Variants in SIGLEC5 observed in about 807,000 individuals in gnomAD.
SIGLEC5 encodes sialic acid binding Ig like lectin 5.
Under a neutral mutation model 45.9 loss-of-function variants are expected in SIGLEC5, and 34 were observed. The ratio of observed to expected loss-of-function variants is 0.74; its 90% CI spans 0.56 to 0.99. The LOEUF (loss-of-function observed/expected upper bound fraction) is 0.99, where lower values mean the gene tolerates loss of function less well. Among genes scored for constraint, SIGLEC5 ranks in the 50% least tolerant of loss-of-function variants. The pLI, the probability that SIGLEC5 is intolerant of heterozygous loss-of-function variation, is 0.00. For synonymous variants in SIGLEC5, 203 were observed against 258.6 expected, an observed-to-expected ratio of 0.79 and a Z score of 2.06; for missense variants, 508 against 629.6, an observed-to-expected ratio of 0.81 and a Z score of 2.07.
chr19:51,627,742 G>A lies in SIGLEC5; in HGVS notation c.1002C>T (p.Leu334=). The change falls in exon 6 of 9, where the codon CTC becomes CTT. Residue 334 remains leucine, a synonymous_variant. Coordinates refer to ENST00000683636, the MANE Select transcript of SIGLEC5 (RefSeq NM_003830.4). ...QIFLNLSVYS[L]PQLLGPSCSW... ...AGCAGGAGGGGCCCAGCAACTGTGG[G>A]AGGGCTGTGGGGAGGGAGGACAGAA... 1 of 1,582,454 alleles carries A rather than the reference G, an allele frequency of 6.3e-7. No individual in the cohort carries two copies. The highest frequency in any genetic ancestry group is 8.6e-7 in the Non-Finnish European group (1 of 1,162,022).
chr19:51,612,146 G>T lies in SIGLEC5; in HGVS notation c.*85C>A. On this transcript the variant is annotated 3_prime_UTR_variant, in exon 9 of 9. Coordinates refer to ENST00000683636, the MANE Select transcript of SIGLEC5 (RefSeq NM_003830.4). ...GTTAACATTGCCACAAGGGCTCTTC[G>T]TGCTTCAGCAAGTGGTCCCTGACTT... 1 of 1,094,850 alleles carries T rather than the reference G, an allele frequency of 9.1e-7. No individual in the cohort carries two copies. The allele number at this position is 1,094,850 out of a possible 1,614,324, so 67.8% of individuals were successfully genotyped here.
chr19:51,612,848 CTAAT>C (rs1469431547), intron 8 of SIGLEC5, among the ~76,000 whole-genome samples: 2 of 152,082 alleles, frequency 1.3e-5, no homozygotes, highest in African/African-American at 4.8e-5. Flanking sequence ...GCCCTGGACT[CTAAT>C]TAAGGCTTTG....
chr19:51,629,422 G>A lies in SIGLEC5; in HGVS notation c.636C>T (p.Thr212=), dbSNP rs776394512. 1 of 1,613,762 alleles carries A rather than the reference G, an allele frequency of 6.2e-7. No homozygotes were observed. The change falls in exon 3 of 9, where the codon ACC becomes ACT. Residue 212 remains threonine (T), a synonymous_variant. Coordinates refer to ENST00000683636, the MANE Select transcript of SIGLEC5 (RefSeq NM_003830.4). ...GAGCTCCTTGGCGTTTCATCTGACA[G>A]GTGAGGTTGGTGCCATGGTCCTCGG... ...PRPEDHGTNL[T]CQMKRQGAQV...
Position 51,629,275 on chromosome 19 carries a change from C to A in SIGLEC5, c.700+83G>T, listed in dbSNP as rs549867211. 26 of 1,013,630 alleles carry A rather than the reference C, an allele frequency of 2.6e-5. No homozygotes were observed. In the African/African-American group the frequency reaches 3.8e-4, roughly 15 times the overall value. 62.8% of individuals were successfully genotyped at this position (1,013,630 alleles called of 1,614,324 possible). Reference sequence around the variant, plus strand: ...TTTGTTTCTCTCTGTCTTCCTTACACACACACACACACACACACACACACA... The same window carrying A: ...TTTGTTTCTCTCTGTCTTCCTTACAAACACACACACACACACACACACACA... On this transcript the variant is annotated intron_variant, in intron 3 of 8. Transcript: ENST00000683636.
At chr19:51,614,936 A>G (rs1982997999) in intron 8 of SIGLEC5, among the ~76,000 whole-genome samples, 1 of 152,220 alleles carries the variant, frequency 6.6e-6, no homozygotes, top group Admixed American at 6.5e-5. Context: ...ATACTAGCAT[A>G]TTAATAACCC....
At position 51,627,973 on chromosome 19, in the gene SIGLEC5, A is replaced by G; in HGVS notation, c.858T>C (p.Pro286=). 6.2e-7 allele frequency: 1 copy of G among 1,613,806 alleles called. No individual in the cohort carries two copies. The highest frequency in any genetic ancestry group is 8.5e-7 in the Non-Finnish European group (1 of 1,179,862). ...TGGAGATGGGGGTGGCGTTCAGGGC[A>G]GGGGAGCCCTGGAACCAGCTCAGGT... is the stretch of plus-strand genomic sequence containing the variant. ...PAHLSWFQGS[P]ALNATPISNT... is the part of the protein sequence containing the mutation. Residue 286 remains proline, a synonymous_variant, in exon 5 of 9, where the codon CCT becomes CCC. Coordinates refer to ENST00000683636, the MANE Select transcript of SIGLEC5 (RefSeq NM_003830.4).
rs754448126 is a variant in SIGLEC5, at chr19:51,612,229, C to A, written c.*2G>T. On this transcript the variant is annotated 3_prime_UTR_variant, in exon 9 of 9. Coordinates refer to ENST00000683636, the MANE Select transcript of SIGLEC5 (RefSeq NM_003830.4). Reference sequence around the variant, plus strand: ...AGCCAGGACTGAACTCTGGGCAAATCCTCACTTGCTTGTCTTGATCTCCGA... The same window carrying A: ...AGCCAGGACTGAACTCTGGGCAAATACTCACTTGCTTGTCTTGATCTCCGA... The A allele has an allele frequency of 5.0e-6, 8 of 1,589,386 alleles. No individual in the cohort carries two copies. Among genetic ancestry groups the A allele is most frequent in the African/African-American group, 1.3e-5 (1 of 74,194 alleles).
intron 8 of SIGLEC5, among the ~76,000 whole-genome samples, chr19:51,617,985 C>T (rs971230966): frequency 4.0e-5 from 6 of 149,580 alleles, no homozygotes; most frequent in Non-Finnish European, 7.4e-5. Context: ...TTTTTTGAGG[C>T]GAGAGTCTTG....
At chr19:51,626,203 C>T (rs1010639310) in intron 7 of SIGLEC5, 90 bp from the exon 8 acceptor site, 57 of 1,027,792 alleles carry the variant, frequency 5.5e-5, no homozygotes, top group Non-Finnish European at 8.3e-5. Context: ...GTGAAAATGA[C>T]AATGAAGCCA....
At chr19:51,618,443 T>C (rs1306989161) in intron 8 of SIGLEC5, among the ~76,000 whole-genome samples, 5 of 49,448 alleles carry the variant, frequency 1.0e-4, no homozygotes, top group Non-Finnish European at 6.8e-5. Flanking sequence ...AGACCCTGCC[T>C]AAAAAAAAAA....
chr19:51,622,404 G>C (rs1477950047), intron 8 of SIGLEC5, among the ~76,000 whole-genome samples: 1 of 151,122 alleles, frequency 6.6e-6, no homozygotes, highest in African/African-American at 2.4e-5. Context: ...CTCCCAAAGT[G>C]CTGGGATTAC....
At chr19:51,616,989 G>T (rs1233275178) in intron 8 of SIGLEC5, among the ~76,000 whole-genome samples, 1 of 151,486 alleles carries the variant, frequency 6.6e-6, no homozygotes, top group Non-Finnish European at 1.5e-5. Flanking sequence ...AATAGGCCGG[G>T]TGTGGTGGCT....
In SIGLEC5 at chr19:51,612,267, G is replaced by C. The variant is rs551417438; in HGVS notation, c.1620C>G (p.Ser540Arg). The stretch of plus-strand genomic sequence containing the variant: ...TCTTGATCTCCGAGTACTCCGTGGT[G>C]CTTGGGGCCTCCTGGTCCTTAGGCT... ...SREPKDQEAP[S>R]TTEYSEIKTS... is the part of the protein sequence containing the mutation. Residue 540 changes from serine (S) to arginine (R), a missense_variant, in exon 9 of 9, where the codon AGC (serine) becomes AGG (arginine). Transcript: ENST00000683636. 5.0e-6 allele frequency: 8 copies of C among 1,611,112 alleles called. No individual in the cohort carries two copies. The East Asian group carries it at 1.8e-4, about 36-fold the overall frequency.
chr19:51,618,442 C>CAAAAAAAA (rs1983146917), intron 8 of SIGLEC5, among the ~76,000 whole-genome samples: 1 of 29,086 alleles, frequency 3.4e-5, no homozygotes, highest in Non-Finnish European at 8.3e-5. Flanking sequence ...GAGACCCTGC[C>CAAAAAAAA]TAAAAAAAAA....
intron 6 of SIGLEC5, 45 bp from the exon 7 acceptor site, chr19:51,627,293 A>G: frequency 6.3e-7 from 1 of 1,583,230 alleles, no homozygotes; most frequent in Non-Finnish European, 8.7e-7. Context: ...CAGGACTCAG[A>G]CTCTTGTCCT....
intron 8 of SIGLEC5, among the ~76,000 whole-genome samples, chr19:51,620,405 TA>T (rs148586539): frequency 0.012 from 1,791 of 152,180 alleles, 36 homozygotes; most frequent in African/African-American, 0.04. Flanking sequence ...ACTGGAGTAT[TA>T]AAAAAATGCT....
In SIGLEC5 at chr19:51,626,092, T is replaced by G; in HGVS notation, c.1404A>C (p.Gln468His). The change falls in exon 8 of 9, where the codon CAA becomes CAC. Residue 468 changes from glutamine (Q) to histidine (H), a missense_variant. By Grantham distance (24) the Gln-to-His change is conservative. This residue lies in a region of SIGLEC5 where 431 missense variants were observed against 428.8 expected (regional missense o/e 1.01). Coordinates refer to ENST00000683636, the MANE Select transcript of SIGLEC5 (RefSeq NM_003830.4). ...CCATTTTCTCTGGTCTCCCAGCTGC[T>G]TGCTTCCTGCGGGCTTTCACTCTAA... Reference protein sequence around the residue: ...FFLIVKARRKQAAGRPEKMDD... With the variant: ...FFLIVKARRKHAAGRPEKMDD... 1 of 1,613,882 alleles carries G rather than the reference T, an allele frequency of 6.2e-7. No individual in the cohort carries two copies.
chr19:51,615,187 C>T (rs533531418), intron 8 of SIGLEC5, among the ~76,000 whole-genome samples: 113 of 152,256 alleles, frequency 7.4e-4, no homozygotes, highest in African/African-American at 2.6e-3. Flanking sequence ...ATTCATACAC[C>T]GGCTCTGTTC....
chr19:51,618,697 C>T (rs1198650809), intron 8 of SIGLEC5, among the ~76,000 whole-genome samples: 1 of 141,686 alleles, frequency 7.1e-6, no homozygotes, highest in Non-Finnish European at 1.5e-5. Flanking sequence ...GAGGCTGAAG[C>T]AGGAGAATTG....
Sources: gnomAD v4.1 joint callset for allele counts (sites outside exome capture counted in the v4.1 genomes callset) on GRCh38, gnomAD v4.1.1 for gene constraint, gnomAD v4.1.1 regional missense constraint, MANE v1.5 for transcripts, NCBI Gene and HGNC (gene_info 2026-07-23, HGNC 2026-07-21) for gene names.